Variants in NF1 observed in about 807,000 individuals in gnomAD.
NF1 encodes neurofibromin 1, also known as neurofibromin.
A neutral mutation model predicts 325.7 loss-of-function variants in NF1; 122 were observed. That is an observed-to-expected ratio of 0.37 (90% CI 0.32 to 0.44). The LOEUF (loss-of-function observed/expected upper bound fraction) is 0.44, where lower values mean the gene tolerates loss of function less well. Ranked by LOEUF, NF1 falls within the 20% of genes least tolerant of loss-of-function variation. NF1 has a pLI of 1.00. For synonymous variants in NF1, 1,091 were observed against 1,186.0 expected, an observed-to-expected ratio of 0.92 and a Z score of 1.65; for missense variants, 2,140 against 3,415.4, an observed-to-expected ratio of 0.63 and a Z score of 9.31.
At chr17:31,235,842 G>A in intron 28 of NF1, 70 bp downstream of exon 28, 1 of 1,610,366 alleles carries the variant, frequency 6.2e-7, no homozygotes, top group Non-Finnish European at 8.5e-7. Flanking sequence ...TACAGAATGT[G>A]CAGGGCTGAT....
At chr17:31,116,659 A>G (rs939692160) in intron 1 of NF1, among the ~76,000 whole-genome samples, 8 of 151,790 alleles carry the variant, frequency 5.3e-5, no homozygotes, top group African/African-American at 1.9e-4. Flanking sequence ...AAATCATTTT[A>G]TTTTATTTTA....
chr17:31,372,840 A>G lies in NF1; in HGVS notation c.8378-1173A>G, dbSNP rs17885043. Among the ~76,000 whole-genome samples the G allele has an allele frequency of 9.5e-3, 1,443 of 151,924 alleles. 24 individuals are homozygous for G. Among genetic ancestry groups the G allele is most frequent in the African/African-American group, 0.033 (1,358 of 41,384 alleles). On this transcript the variant is annotated intron_variant, in intron 57 of 57. Transcript: ENST00000358273. ...AGACCAGCCTTGGCAACATAGTGAG[A>G]CTCTATCTCTAGACAGAATTTTAAA... is the stretch of plus-strand genomic sequence containing the variant.
rs2067136565 is a variant in NF1, at chr17:31,232,804, C to T, written c.3419C>T (p.Ser1140Leu). The part of the protein sequence containing the change: ...RKRGMSRRLA[S>L]LRHCTVLAMS... ...CGTGGCATGTCTCGGAGGCTGGCAT[C>T]ACTGAGGCACTGTACGGTCCTTGCA... The change falls in exon 26 of 58, where the codon TCA becomes TTA. Residue 1140 changes from serine (S) to leucine (L), a missense_variant. Transcript: ENST00000358273. The T allele has an allele frequency of 6.2e-7, 1 of 1,613,970 alleles. No individual in the cohort carries two copies. The highest frequency in any genetic ancestry group is 1.1e-5 in the South Asian group (1 of 91,068).
intron 12 of NF1, among the ~76,000 whole-genome samples, chr17:31,207,046 G>T (rs1029984898): frequency 1.1e-4 from 16 of 152,130 alleles, no homozygotes; most frequent in African/African-American, 3.9e-4. Flanking sequence ...TGGTGTTTAT[G>T]TATAGCAAGA....
intron 56 of NF1, chr17:31,360,045 G>T: frequency 1.6e-5 from 3 of 182,340 alleles, no homozygotes; most frequent in Non-Finnish European, 3.5e-5. Flanking sequence ...TTAAAAAATG[G>T]GCCTGAAGTT....
chr17:31,263,086 G>C (rs2067716877), intron 35 of NF1, among the ~76,000 whole-genome samples: 1 of 110,200 alleles, frequency 9.1e-6, no homozygotes, highest in Non-Finnish European at 2.0e-5. Flanking sequence ...TAGGTAGGTA[G>C]GTAGGTAGGT....
At chr17:31,354,671 G>A (rs755313914) in intron 51 of NF1, among the ~76,000 whole-genome samples, 5 of 152,082 alleles carry the variant, frequency 3.3e-5, no homozygotes, top group South Asian at 2.1e-4. Context: ...TGTGGGCCCC[G>A]CACTAATGCA....
intron 36 of NF1, among the ~76,000 whole-genome samples, chr17:31,305,936 A>G (rs1296083512): frequency 6.6e-6 from 1 of 152,090 alleles, no homozygotes; most frequent in Admixed American, 6.5e-5. Context: ...ATATTTCAGT[A>G]CTTCACTTAG....
intron 5 of NF1, among the ~76,000 whole-genome samples, chr17:31,172,224 G>T (rs1289792152): frequency 1.3e-5 from 2 of 152,140 alleles, no homozygotes; most frequent in Non-Finnish European, 2.9e-5. Flanking sequence ...CTACTTGGGA[G>T]GCTGAGGTGG....
chr17:31,097,290 T>A (rs1911815172), intron 1 of NF1, among the ~76,000 whole-genome samples: 1 of 151,924 alleles, frequency 6.6e-6, no homozygotes, highest in Non-Finnish European at 1.5e-5. Flanking sequence ...AAACCTCGTC[T>A]CTACTAAAAA....
rs2069373011 is a variant in NF1, at chr17:31,327,446, A to G, written c.5269-53A>G. 2.8e-6 allele frequency: 4 copies of G among 1,421,776 alleles called. No individual in the cohort carries two copies. The South Asian group carries it at 4.7e-5, about 17-fold the overall frequency. The allele number at this position is 1,421,776 out of a possible 1,614,324, so 88.1% of individuals were successfully genotyped here. The stretch of plus-strand genomic sequence containing the variant: ...GGTTTCTGGAGCCTTTTAGAATTTT[A>G]TGTAAAAGAGTTTAATTCTTCTCCA... On this transcript the variant is annotated intron_variant, in intron 37 of 57. Transcript: ENST00000358273.
chr17:31,260,042 GCTATATAT>G (rs2067656235), intron 33 of NF1, among the ~76,000 whole-genome samples: 1 of 152,156 alleles, frequency 6.6e-6, no homozygotes, highest in African/African-American at 2.4e-5. Context: ...GACCTAGCAG[GCTATATAT>G]CTTTGGGGAG....
chr17:31,177,634 C>T (rs557007869), intron 5 of NF1, among the ~76,000 whole-genome samples: 54 of 151,906 alleles, frequency 3.6e-4, no homozygotes, highest in African/African-American at 1.2e-3. Context: ...AAAGGTTAGA[C>T]GAATTGCTGA....
chr17:31,157,789 C>A (rs1479306251), intron 2 of NF1, among the ~76,000 whole-genome samples: 1 of 127,704 alleles, frequency 7.8e-6, no homozygotes, highest in Non-Finnish European at 1.6e-5. Flanking sequence ...GAAACCCCGT[C>A]TCTACTAAAA....
intron 11 of NF1, among the ~76,000 whole-genome samples, chr17:31,204,020 A>G (rs2066577068): frequency 6.6e-6 from 1 of 152,084 alleles, no homozygotes; most frequent in African/African-American, 2.4e-5. Flanking sequence ...TAGTAGTTGT[A>G]CTGTCATCTT....
chr17:31,151,198 A>G (rs1490805809), intron 1 of NF1, among the ~76,000 whole-genome samples: 2 of 152,144 alleles, frequency 1.3e-5, no homozygotes, highest in Non-Finnish European at 2.9e-5. Context: ...CAAGTTGCCA[A>G]GAGTATTCAG....
At chr17:31,177,788 A>G (rs2066050798) in intron 5 of NF1, among the ~76,000 whole-genome samples, 1 of 152,046 alleles carries the variant, frequency 6.6e-6, no homozygotes, top group Non-Finnish European at 1.5e-5. Context: ...AGATCAACTC[A>G]ATGAAATAAA....
At chr17:31,276,010 C>G (rs943888554) in intron 36 of NF1, among the ~76,000 whole-genome samples, 1 of 151,996 alleles carries the variant, frequency 6.6e-6, no homozygotes, top group Non-Finnish European at 1.5e-5. Flanking sequence ...GAGATGGAGA[C>G]CATCCTGGCT....
At chr17:31,219,279 A>G (rs2143988896) in intron 14 of NF1, 161 bp downstream of exon 14, 1 of 670,322 alleles carries the variant, frequency 1.5e-6, no homozygotes, top group Non-Finnish European at 2.5e-6. Flanking sequence ...CCATGGAGAA[A>G]GAAGGGGTTT....
Sources: allele counts gnomAD v4.1 joint callset (sites outside exome capture counted in the v4.1 genomes callset), GRCh38; gene constraint gnomAD v4.1.1; transcripts MANE v1.5; gene names NCBI Gene and HGNC (gene_info 2026-07-23, HGNC 2026-07-21).